SUN3: variants seen among roughly 807,000 people sequenced by gnomAD.
SUN3 encodes SUN domain-containing protein 3.
SUN3 carries 36 observed loss-of-function variants against 48.2 expected under a neutral mutation model. The observed-to-expected ratio is 0.75, with a 90% CI of 0.57 to 0.99. The LOEUF (loss-of-function observed/expected upper bound fraction) is 0.99. SUN3 is among the 50% of genes least tolerant of loss of function. SUN3 has a pLI of 0.00. For synonymous variants in SUN3, 148 were observed against 147.9 expected, an observed-to-expected ratio of 1.00 and a Z score of 0.00; for missense variants, 419 against 433.1, an observed-to-expected ratio of 0.97 and a Z score of 0.29.
Position 48,029,017 on chromosome 7 carries a change from A to G in SUN3, c.-79T>C. On this transcript the variant is annotated 5_prime_UTR_variant, in exon 1 of 10. Coordinates refer to ENST00000297325, the MANE Select transcript of SUN3 (RefSeq NM_001030019.2). ...CATTCCTATTTTATGAAAAACATGAAGCTATACATACAGTTTCTAAATTTG... is the reference window on the plus strand; with the variant it reads ...CATTCCTATTTTATGAAAAACATGAGGCTATACATACAGTTTCTAAATTTG... 1.3e-6 allele frequency: 2 copies of G among 1,589,196 alleles called. No individual in the cohort carries two copies. Among genetic ancestry groups the G allele is most frequent in the Non-Finnish European group, 1.7e-6 (2 of 1,168,526 alleles).
rs145574050 is a variant in SUN3, at chr7:48,012,799, G to A, written c.289-3724C>T. On this transcript the variant is annotated intron_variant, in intron 3 of 9. Transcript: ENST00000297325. ...CCATTGTGGTGGTGTTAAGAGGTAG[G>A]GTCTTTTGGGGAGTGATTAAGTCAT... Among the ~76,000 whole-genome samples, 752 of 152,264 alleles carry A rather than the reference G, an allele frequency of 4.9e-3. 5 individuals are homozygous for A. The highest frequency in any genetic ancestry group is 7.9e-3 in the Non-Finnish European group (536 of 68,012).
intron 8 of SUN3, among the ~76,000 whole-genome samples, chr7:47,990,651 G>A (rs1789032668): frequency 6.6e-6 from 1 of 152,018 alleles, no homozygotes; most frequent in Non-Finnish European, 1.5e-5. Flanking sequence ...ATGTACACAT[G>A]ACTCAAGCCT....
At chr7:48,021,387 C>T (rs1480284792) in intron 2 of SUN3, among the ~76,000 whole-genome samples, 1 of 151,938 alleles carries the variant, frequency 6.6e-6, no homozygotes, top group African/African-American at 2.4e-5. Context: ...CAAGCACAGG[C>T]AACAAAAGTA....
chr7:48,030,619 T>TCCTC (rs1307756481), upstream of SUN3, among the ~76,000 whole-genome samples: 1 of 152,252 alleles, frequency 6.6e-6, no homozygotes, highest in Admixed American at 6.5e-5. Flanking sequence ...CTCATTTATT[T>TCCTC]ATGACTGAAT....
upstream of SUN3, among the ~76,000 whole-genome samples, chr7:48,030,572 A>G (rs1583789924): frequency 6.6e-6 from 1 of 152,288 alleles, no homozygotes; most frequent in African/African-American, 2.4e-5. Flanking sequence ...TTAAACATGT[A>G]TCTTGGAAGT....
At chr7:48,022,541 A>G (rs1356637180) in intron 2 of SUN3, among the ~76,000 whole-genome samples, 1 of 152,102 alleles carries the variant, frequency 6.6e-6, no homozygotes, top group African/African-American at 2.4e-5. Context: ...ATAAGTATAT[A>G]TACTATGTAC....
chr7:48,033,804 C>A (rs575555197), upstream of SUN3, among the ~76,000 whole-genome samples: 75 of 152,100 alleles, frequency 4.9e-4, no homozygotes, highest in African/African-American at 1.7e-3. Flanking sequence ...GCCTGTAATC[C>A]CAGCACTTTG....
chr7:48,023,307 T>C (rs1790051737), intron 2 of SUN3, among the ~76,000 whole-genome samples: 1 of 152,120 alleles, frequency 6.6e-6, no homozygotes, highest in African/African-American at 2.4e-5. Context: ...CAGAGCTGAA[T>C]AGGAGCAGAG....
chr7:47,995,707 G>A (rs1210840844), intron 7 of SUN3, among the ~76,000 whole-genome samples: 2 of 152,188 alleles, frequency 1.3e-5, no homozygotes, highest in African/African-American at 4.8e-5. Flanking sequence ...TTGAATGACT[G>A]AAGTTTTCAA....
chr7:48,023,037 A>G (rs1024050332), intron 2 of SUN3, among the ~76,000 whole-genome samples: 14 of 152,308 alleles, frequency 9.2e-5, no homozygotes, highest in African/African-American at 3.4e-4. Context: ...GTGAAAGGAC[A>G]TTAGAGAGTA....
At chr7:48,007,707 T>G (rs1478335783) in intron 4 of SUN3, among the ~76,000 whole-genome samples, 1 of 152,194 alleles carries the variant, frequency 6.6e-6, no homozygotes, top group Non-Finnish European at 1.5e-5. Flanking sequence ...GCTTTCGAAT[T>G]GTAGCCTGAG....
rs749336131 is a variant in SUN3 at position 48,028,933 on chromosome 7, A to G, written c.6T>C (p.Ser2=). 1.7e-5 allele frequency: 28 copies of G among 1,613,724 alleles called. No individual in the cohort carries two copies. The South Asian group carries it at 2.7e-4, about 16-fold the overall frequency. Residue 2 remains serine (S), a synonymous_variant, in exon 1 of 10, where the codon AGT becomes AGC. Transcript: ENST00000297325. ...CAGCCCTTCTTGCCTTTGTTTTTCC[A>G]CTCATGATCCCCTACCAAAGAACAA... M[S]GKTKARRAAM... is the part of the protein sequence containing the mutation.
At chr7:48,010,825 C>T (rs573722888) in intron 3 of SUN3, among the ~76,000 whole-genome samples, 2 of 152,168 alleles carry the variant, frequency 1.3e-5, no homozygotes, top group Non-Finnish European at 2.9e-5. Context: ...TTTATTCTGT[C>T]GCTGTTCTGG....
At position 47,987,387 on chromosome 7, in the gene SUN3, C is replaced by T. The variant is rs752253578; in HGVS notation, c.1017G>A (p.Pro339=). ...KLNIFSNWGH[P]KYTCLYRFRV... is the part of the protein sequence containing the mutation. ...TGAATCGATATAAACAAGTATACTT[C>T]GGGTGTCCCCAGTTGCTAAAGATAT... The change falls in exon 10 of 10, where the codon CCG becomes CCA. Residue 339 remains proline (P), a synonymous_variant. Transcript: ENST00000297325. 16 of 1,610,114 alleles carry T rather than the reference C, an allele frequency of 9.9e-6. No homozygotes were observed. Among genetic ancestry groups the T allele is most frequent in the African/African-American group, 2.7e-5 (2 of 74,760 alleles).
At chr7:48,010,137 C>T (rs1258168526) in intron 3 of SUN3, among the ~76,000 whole-genome samples, 4 of 152,192 alleles carry the variant, frequency 2.6e-5, no homozygotes, top group Non-Finnish European at 4.4e-5. Context: ...CTTATACACA[C>T]GTATGCACAT....
In SUN3 at chr7:48,028,931, C is replaced by T. The variant is rs534428089; in HGVS notation, c.8G>A (p.Gly3Glu). ...GGCAGCCCTTCTTGCCTTTGTTTTT[C>T]CACTCATGATCCCCTACCAAAGAAC... Reference protein sequence around the residue: MSGKTKARRAAMF... With the variant: MSEKTKARRAAMF... The change falls in exon 1 of 10, where the codon GGA (glycine) becomes GAA (glutamate). Residue 3 changes from glycine to glutamate, a missense_variant. Physicochemically the swap from Gly to Glu is moderately conservative, Grantham distance 98. Transcript: ENST00000297325. 8.7e-6 allele frequency: 14 copies of T among 1,613,840 alleles called. No homozygotes were observed. In the African/African-American group the frequency reaches 1.2e-4, roughly 14 times the overall value.
At chr7:48,030,361 C>A (rs546643230), upstream of SUN3, among the ~76,000 whole-genome samples, 1 of 152,162 alleles carries the variant, frequency 6.6e-6, no homozygotes, top group East Asian at 1.9e-4. Flanking sequence ...CCTTTCCACC[C>A]GGCATCTGCC....
chr7:47,990,497 G>A (rs1789025728), intron 8 of SUN3, among the ~76,000 whole-genome samples: 1 of 151,904 alleles, frequency 6.6e-6, no homozygotes, highest in African/African-American at 2.4e-5. Context: ...TGCCGGCGCG[G>A]GTCCTCCGTA....
chr7:48,013,756 TG>T (rs1453963993), intron 3 of SUN3, among the ~76,000 whole-genome samples: 1 of 152,130 alleles, frequency 6.6e-6, no homozygotes, highest in Non-Finnish European at 1.5e-5. Flanking sequence ...TGTAATCGCT[TG>T]AGCTCAGGAG....
Sources: gnomAD v4.1 joint callset for allele counts (sites outside exome capture counted in the v4.1 genomes callset) on GRCh38, gnomAD v4.1.1 for gene constraint, MANE v1.5 for transcripts, NCBI Gene and HGNC (gene_info 2026-07-23, HGNC 2026-07-21) for gene names.